The following RANBP2 variants were observed in gnomAD, a reference collection of about 807,000 sequenced individuals.
The protein encoded by RANBP2 is E3 SUMO-protein ligase RanBP2.
Under a neutral mutation model 303.6 loss-of-function variants are expected in RANBP2, and 57 were observed. That is an observed-to-expected ratio of 0.19 (90% CI 0.15 to 0.23). RANBP2 has a LOEUF of 0.23. Among genes scored for constraint, RANBP2 ranks in the 10% least tolerant of loss-of-function variants. RANBP2 has a pLI of 1.00. For missense variants in RANBP2, 3,138 were observed against 3,780.8 expected (o/e 0.83, Z 4.46); for synonymous variants, 1,167 against 1,301.5 (o/e 0.90, Z 2.23).
At chr2:109,656,162 G>A in the RANBP2 span, among the ~76,000 whole-genome samples, 1 of 152,264 alleles carries the variant, frequency 6.6e-6, no homozygotes, top group South Asian at 2.1e-4. Context: ...ACTGCACCAT[G>A]AGCCACAGCA....
the RANBP2 span, among the ~76,000 whole-genome samples, chr2:109,102,066 G>A: frequency 9.9e-5 from 15 of 152,150 alleles, no homozygotes; most frequent in Non-Finnish European, 1.9e-4. Context: ...AACCTTAGGA[G>A]TGGCACAATG....
the RANBP2 span, among the ~76,000 whole-genome samples, chr2:108,831,700 T>TCTCCCTTCCTTC: frequency 6.9e-6 from 1 of 145,260 alleles, no homozygotes; most frequent in East Asian, 2.1e-4. Flanking sequence ...TGGCACAGAA[T>TCTCCCTTCCTTC]CTTCCTTCCT....
chr2:108,883,470 A>G, the RANBP2 span: 3 of 152,298 alleles, frequency 2.0e-5, no homozygotes, highest in East Asian at 3.8e-4. Flanking sequence ...AGATCCAGAC[A>G]TAACCAGCAA....
chr2:108,793,845 G>T, the RANBP2 span, among the ~76,000 whole-genome samples: 1 of 151,356 alleles, frequency 6.6e-6, no homozygotes, highest in Non-Finnish European at 1.5e-5. Context: ...CTCATGATCC[G>T]CCCGCCTCGG....
At chr2:109,604,701 G>A in the RANBP2 span, 1 of 148,402 alleles carries the variant, frequency 6.7e-6, no homozygotes, top group Non-Finnish European at 1.5e-5. Flanking sequence ...CAGCCTGGGT[G>A]ACAGAACGAG....
chr2:108,909,730 C>T, the RANBP2 span, among the ~76,000 whole-genome samples: 3 of 152,230 alleles, frequency 2.0e-5, no homozygotes, highest in African/African-American at 7.2e-5. Context: ...AAAATATTGA[C>T]TTCCCTCTAC....
the RANBP2 span, among the ~76,000 whole-genome samples, chr2:109,238,449 TTGTGTGTGTGTG>T: frequency 0.021 from 2,973 of 142,656 alleles, 51 homozygotes; most frequent in African/African-American, 0.038. Context: ...TTATGTATAT[TTGTGTGTGTGTG>T]TGTGTGTGTG....
At chr2:108,953,771 G>A in the RANBP2 span, among the ~76,000 whole-genome samples, 35 of 152,306 alleles carry the variant, frequency 2.3e-4, 1 homozygote, top group Admixed American at 1.8e-3. Context: ...AAACTGGCAG[G>A]TGGAGAGGCC....
Position 108,781,533 on chromosome 2 carries a change from T to G in RANBP2, c.8760+104T>G, listed in dbSNP as rs113326954. ...TATAATTGTTTGCATTTAAGAATGT[T>G]TACTGTTTGAAATGGAAGCTCTATT... On this transcript the variant is annotated intron_variant, in intron 26 of 28. Transcript: ENST00000283195. 2.6e-4 allele frequency: 289 copies of G among 1,113,962 alleles called. No individual in the cohort carries two copies. In the African/African-American group the frequency reaches 3.7e-3, roughly 14 times the overall value. 69.0% of individuals were successfully genotyped at this position (1,113,962 alleles called of 1,614,324 possible).
rs1675884346 is a variant in RANBP2 at position 108,751,575 on chromosome 2, G to A, written c.1503G>A (p.Glu501=). The change falls in exon 11 of 29, where the codon GAG becomes GAA. Residue 501 remains glutamate, a synonymous_variant. Transcript: ENST00000283195. ...VVYTSHLQLK[E]KCNSHHSSYQ... is the part of the protein sequence containing the mutation. ...ATACCAGCCACTTACAATTAAAGGA[G>A]AAATGTAATTCTCACCACAGCTCCT... is the stretch of plus-strand genomic sequence containing the variant. The A allele has an allele frequency of 6.2e-7, 1 of 1,610,730 alleles. No individual in the cohort carries two copies. Among genetic ancestry groups the A allele is most frequent in the African/African-American group, 1.3e-5 (1 of 74,640 alleles).
rs1677835218 is a variant in RANBP2 at position 108,775,750 on chromosome 2, A to G, written c.8311A>G (p.Ile2771Val). 1 of 1,613,796 alleles carries G rather than the reference A, an allele frequency of 6.2e-7. No homozygotes were observed. Among genetic ancestry groups the G allele is most frequent in the Non-Finnish European group, 8.5e-7 (1 of 1,179,920 alleles). The change falls in exon 24 of 29, where the codon ATA becomes GTA. Residue 2771 changes from isoleucine to valine, a missense_variant. Ile to Val is a conservative substitution (Grantham distance 29). Around this residue, in one of 20 missense-constraint regions of RANBP2, gnomAD observed 497 missense variants for 465.8 expected, o/e 1.07. Coordinates refer to ENST00000283195, the MANE Select transcript of RANBP2 (RefSeq NM_006267.5). The stretch of plus-strand genomic sequence containing the variant: ...TTTGCAGAAATCTCAGACAGAAGAA[A>G]TAACTAGCACAACTGACAGTGTATA... ...QEAQKSQTEE[I>V]TSTTDSVYTG...
chr2:109,373,546 A>C, the RANBP2 span, among the ~76,000 whole-genome samples: 1 of 152,220 alleles, frequency 6.6e-6, no homozygotes, highest in Non-Finnish European at 1.5e-5. Context: ...GAAAGAAGCC[A>C]GACATAAAAG....
the RANBP2 span, among the ~76,000 whole-genome samples, chr2:109,458,599 A>AGAGAGAGAGAGAGAGAGG: frequency 6.6e-6 from 1 of 150,484 alleles, no homozygotes. Flanking sequence ...AGAGAGAGAG[A>AGAGAGAGAGAGAGAGAGG]GAATTTATTT....
the RANBP2 span, among the ~76,000 whole-genome samples, chr2:109,067,391 A>G: frequency 9.9e-5 from 15 of 152,250 alleles, no homozygotes; most frequent in Admixed American, 9.2e-4. Flanking sequence ...TAGCTACTGC[A>G]TAATCTCTCC....
the RANBP2 span, among the ~76,000 whole-genome samples, chr2:108,993,278 C>T: frequency 6.6e-6 from 1 of 152,066 alleles, no homozygotes; most frequent in African/African-American, 2.4e-5. Flanking sequence ...CCTGTGGGGC[C>T]CAGAGCCAGG....
the RANBP2 span, among the ~76,000 whole-genome samples, chr2:109,354,581 C>T: frequency 7.2e-5 from 11 of 152,226 alleles, no homozygotes; most frequent in Admixed American, 6.5e-4. Context: ...TTTCAGTGAT[C>T]GTGGCATTTC....
the RANBP2 span, among the ~76,000 whole-genome samples, chr2:108,994,954 C>T: frequency 5.1e-4 from 77 of 151,430 alleles, 2 homozygotes; most frequent in South Asian, 0.011. Context: ...CTCAGCCTCC[C>T]GAGTAGCAGG....
At chr2:108,866,838 A>G in the RANBP2 span, among the ~76,000 whole-genome samples, 3 of 152,038 alleles carry the variant, frequency 2.0e-5, no homozygotes, top group Admixed American at 6.6e-5. Flanking sequence ...AGCCGAGATC[A>G]CGCCACGGCA....
chr2:108,850,030 C>T, the RANBP2 span, among the ~76,000 whole-genome samples: 2 of 152,314 alleles, frequency 1.3e-5, no homozygotes, highest in East Asian at 3.9e-4. Context: ...CTGGCCAAAT[C>T]CCAGCACATG....
Sources: gnomAD v4.1 joint callset for allele counts (sites outside exome capture counted in the v4.1 genomes callset) on GRCh38, gnomAD v4.1.1 for gene constraint, gnomAD v4.1.1 regional missense constraint, MANE v1.5 for transcripts, NCBI Gene and HGNC (gene_info 2026-07-23, HGNC 2026-07-21) for gene names.